Variants in TDRD5 observed in about 807,000 individuals in gnomAD.
TDRD5 encodes tudor domain-containing protein 5.
A neutral mutation model predicts 120.6 loss-of-function variants in TDRD5; 41 were observed. The observed-to-expected ratio is 0.34, with a 90% CI of 0.26 to 0.44. The LOEUF is 0.44. Ranked by LOEUF, TDRD5 falls within the 20% of genes least tolerant of loss-of-function variation. The pLI is 1.00. For synonymous variants in TDRD5, 430 were observed against 433.7 expected (o/e 0.99, Z 0.11); for missense variants, 1,006 against 1,221.2 (o/e 0.82, Z 2.63).
chr1:179,676,976 A>C (rs1232258381), intron 17 of TDRD5, among the ~76,000 whole-genome samples: 1 of 152,154 alleles, frequency 6.6e-6, no homozygotes, highest in African/African-American at 2.4e-5. Context: ...CTTCTTCAGG[A>C]ACACCAGCTA....
intron 4 of TDRD5, among the ~76,000 whole-genome samples, chr1:179,605,089 T>C (rs1435529802): frequency 6.6e-6 from 1 of 152,186 alleles, no homozygotes; most frequent in Non-Finnish European, 1.5e-5. Context: ...GATTGTGATA[T>C]TTTCCTGTTG....
At chr1:179,671,901 T>TGCA (rs1170409720) in intron 17 of TDRD5, among the ~76,000 whole-genome samples, 1 of 152,126 alleles carries the variant, frequency 6.6e-6, no homozygotes, top group Non-Finnish European at 1.5e-5. Context: ...TCCAGGTTGC[T>TGCA]GCATATGCCA....
rs1485321444 is a variant in TDRD5, at chr1:179,592,669, T to G, written c.54T>G (p.Leu18=). Residue 18 remains leucine, a synonymous_variant, in exon 2 of 18, where the codon CTT becomes CTG. Transcript: ENST00000444136. ...GTCTGCGGAAGGAAATAAGGTCACT[T>G]CTCATTTCCACCAAAGATGGTTTGA... ...QECLRKEIRS[L]LISTKDGLSP... The G allele has an allele frequency of 1.2e-6, 2 of 1,614,076 alleles. No individual in the cohort carries two copies. The highest frequency in any genetic ancestry group is 2.2e-5 in the South Asian group (2 of 91,068).
intron 17 of TDRD5, among the ~76,000 whole-genome samples, chr1:179,676,884 A>G (rs1388951753): frequency 1.3e-5 from 2 of 152,102 alleles, no homozygotes; most frequent in Non-Finnish European, 2.9e-5. Flanking sequence ...TTGTATTTGG[A>G]TATCTAGATC....
chr1:179,626,559 A>T (rs986340659), intron 6 of TDRD5, among the ~76,000 whole-genome samples: 11 of 152,182 alleles, frequency 7.2e-5, no homozygotes, highest in African/African-American at 2.4e-4. Context: ...ACAGATACTG[A>T]TTTCTAGTTA....
At chr1:179,639,800 C>T (rs1228404009) in intron 9 of TDRD5, 39 bp from the exon 10 acceptor site, 1 of 1,573,576 alleles carries the variant, frequency 6.4e-7, no homozygotes. Flanking sequence ...TTAATTTTTT[C>T]TTCCCCTATG....
chr1:179,596,535 G>A (rs930651452), intron 4 of TDRD5, among the ~76,000 whole-genome samples: 1 of 152,076 alleles, frequency 6.6e-6, no homozygotes, highest in Admixed American at 6.5e-5. Context: ...TATGATTTTG[G>A]CTTTCCAGGA....
chr1:179,592,922 T>C (rs989355918), intron 2 of TDRD5, 75 bp downstream of exon 2: 2 of 1,423,996 alleles, frequency 1.4e-6, no homozygotes, highest in South Asian at 2.5e-5. Context: ...ATTCTAGTTC[T>C]GCAGTTATTA....
intron 7 of TDRD5, among the ~76,000 whole-genome samples, chr1:179,632,202 G>A (rs772075361): frequency 6.6e-5 from 10 of 151,950 alleles, no homozygotes; most frequent in South Asian, 4.1e-4. Flanking sequence ...CACCACTCCC[G>A]GCCGTGACCT....
At chr1:179,615,776 C>CTT (rs11318606) in intron 4 of TDRD5, among the ~76,000 whole-genome samples, 166 of 147,142 alleles carry the variant, frequency 1.1e-3, no homozygotes, top group Admixed American at 2.0e-3. Context: ...TTGAGGTAAA[C>CTT]TTTTTTTTTT....
intron 6 of TDRD5, among the ~76,000 whole-genome samples, chr1:179,622,364 A>G (rs1474543967): frequency 1.3e-5 from 2 of 152,236 alleles, no homozygotes; most frequent in African/African-American, 2.4e-5. Flanking sequence ...CAATACATCT[A>G]TCATGATGCC....
At chr1:179,635,908 A>G (rs990859908) in intron 9 of TDRD5, 21 bp downstream of exon 9, 42 of 1,604,430 alleles carry the variant, frequency 2.6e-5, no homozygotes, top group East Asian at 1.3e-4. Flanking sequence ...GTTGTTTTCA[A>G]TGTGTTTTTC....
chr1:179,642,769 C>A (rs998010385), intron 11 of TDRD5, among the ~76,000 whole-genome samples: 5 of 152,136 alleles, frequency 3.3e-5, no homozygotes, highest in African/African-American at 1.2e-4. Flanking sequence ...CTAAATGAAT[C>A]TCTCACTTTA....
rs569821772 is a variant in TDRD5, at chr1:179,637,374, T to C, written c.1520+1487T>C. Among the ~76,000 whole-genome samples the C allele has an allele frequency of 3.3e-5, 5 of 152,332 alleles. 1 individual carries two copies. In the South Asian group the frequency reaches 1.0e-3, roughly 32 times the overall value. On this transcript the variant is annotated intron_variant, in intron 9 of 17. Transcript: ENST00000444136. The stretch of plus-strand genomic sequence containing the variant: ...TAGTTGTATTATCTCCAAAATGAGA[T>C]AATGATAGTACCTACTTCACAGAGT...
At position 179,622,155 on chromosome 1, in the gene TDRD5, T is replaced by C. The variant is rs534349266; in HGVS notation, c.972+1064T>C. On this transcript the variant is annotated intron_variant, in intron 6 of 17. Coordinates refer to ENST00000444136, the MANE Select transcript of TDRD5 (RefSeq NM_001199085.3). ...ACAGTGCCTGGCACATAAGCTCTGC[T>C]CAGATCTCTGCCTGACCTTTAACTG... is the stretch of plus-strand genomic sequence containing the variant. Among the ~76,000 whole-genome samples the C allele has an allele frequency of 2.9e-3, 449 of 152,316 alleles. 3 individuals are homozygous for C. The highest frequency in any genetic ancestry group is 0.01 in the African/African-American group (420 of 41,584).
At chr1:179,675,373 G>A (rs1360256163) in intron 17 of TDRD5, among the ~76,000 whole-genome samples, 1 of 138,380 alleles carries the variant, frequency 7.2e-6, no homozygotes. Context: ...TCCGCCTCTT[G>A]GGTTCATGCC....
chr1:179,644,676 G>A (rs1054844005), intron 11 of TDRD5, among the ~76,000 whole-genome samples: 5 of 151,776 alleles, frequency 3.3e-5, no homozygotes, highest in Non-Finnish European at 5.9e-5. Context: ...TCCTTTTGAT[G>A]TTGACATCTG....
chr1:179,595,879 A>G (rs372072068), intron 4 of TDRD5, 61 bp downstream of exon 4: 7 of 1,453,084 alleles, frequency 4.8e-6, no homozygotes, highest in African/African-American at 1.4e-5. Flanking sequence ...TGGTGTTAAC[A>G]CTTTGATCTG....
At position 179,651,028 on chromosome 1, in the gene TDRD5, G is replaced by C. The variant is rs779407967; in HGVS notation, c.1962G>C (p.Glu654Asp). ...DVYFHHVLRT[E>D]GHAIVCRENI... ...ATTTCCATCATGTCTTGAGAACAGA[G>C]GGCCATGCTATTGTATGCCGAGAAA... Residue 654 changes from glutamate (E) to aspartate (D), a missense_variant, in exon 12 of 18, where the codon GAG (glutamate) becomes GAC (aspartate). Coordinates refer to ENST00000444136, the MANE Select transcript of TDRD5 (RefSeq NM_001199085.3). 1.2e-6 allele frequency: 2 copies of C among 1,614,120 alleles called. No individual in the cohort carries two copies. The highest frequency in any genetic ancestry group is 1.1e-5 in the South Asian group (1 of 91,078).
Sources: gnomAD v4.1 joint callset for allele counts (sites outside exome capture counted in the v4.1 genomes callset) on GRCh38, gnomAD v4.1.1 for gene constraint, MANE v1.5 for transcripts, NCBI Gene and HGNC (gene_info 2026-07-23, HGNC 2026-07-21) for gene names.